EFCAB3: variants seen among roughly 807,000 people sequenced by gnomAD.
The protein encoded by EFCAB3 is EF-hand calcium binding domain 3.
A neutral mutation model predicts 42.2 loss-of-function variants in EFCAB3; 36 were observed. The observed-to-expected ratio is 0.85, with a 90% CI of 0.65 to 1.13. EFCAB3 has a LOEUF of 1.13. EFCAB3 is among the 50% of genes most tolerant of loss of function. The pLI, the probability that EFCAB3 is intolerant of heterozygous loss-of-function variation, is 0.00. For missense variants in EFCAB3, 418 were observed against 505.1 expected (o/e 0.83, Z 1.65); for synonymous variants, 170 against 172.8 (o/e 0.98, Z 0.13).
intron 1 of EFCAB3, 132 bp from the exon 2 acceptor site, chr17:62,382,831 G>A: frequency 1.5e-6 from 1 of 671,768 alleles, no homozygotes; most frequent in Non-Finnish European, 2.5e-6. Flanking sequence ...CCTCTAACTT[G>A]AGTTTGCATC....
intron 1 of EFCAB3, among the ~76,000 whole-genome samples, chr17:62,372,653 C>T (rs186267410): frequency 2.0e-5 from 3 of 152,278 alleles, no homozygotes; most frequent in Admixed American, 2.0e-4. Context: ...CCAAAAATTA[C>T]TCCTTTAATA....
chr17:62,370,241 C>T, exon 1 of EFCAB3: 1 of 1,542,900 alleles, frequency 6.5e-7, no homozygotes, highest in Non-Finnish European at 8.8e-7. Context: ...ATGTCCAGAA[C>T]TTAGACAATT....
intron 6 of EFCAB3, among the ~76,000 whole-genome samples, chr17:62,395,810 T>A (rs1339063136): frequency 1.3e-5 from 2 of 152,246 alleles, no homozygotes; most frequent in East Asian, 3.8e-4. Context: ...ATCATTATCT[T>A]AAACAAATGT....
chr17:62,405,672 G>T (rs2070441353), intron 6 of EFCAB3, among the ~76,000 whole-genome samples: 1 of 152,174 alleles, frequency 6.6e-6, no homozygotes, highest in South Asian at 2.1e-4. Flanking sequence ...GATATTCGAG[G>T]CATGCATGTT....
chr17:62,379,353 G>A (rs1277980398), upstream of EFCAB3, among the ~76,000 whole-genome samples: 2 of 148,702 alleles, frequency 1.3e-5, no homozygotes, highest in African/African-American at 2.5e-5. Flanking sequence ...CTGGGAGGTC[G>A]AGACTGTAGT....
At chr17:62,386,007 A>G (rs935254228) in intron 2 of EFCAB3, among the ~76,000 whole-genome samples, 13 of 151,930 alleles carry the variant, frequency 8.6e-5, no homozygotes, top group South Asian at 2.1e-4. Context: ...GATTACAGGC[A>G]TGAGCCACCG....
intron 2 of EFCAB3, among the ~76,000 whole-genome samples, chr17:62,374,069 A>T (rs188007766): frequency 9.7e-4 from 148 of 152,242 alleles, no homozygotes; most frequent in Non-Finnish European, 1.2e-3. Flanking sequence ...ATCACCACAA[A>T]TTTTTTCCTT....
chr17:62,377,829 G>C (rs1224932548), upstream of EFCAB3: 4 of 658,562 alleles, frequency 6.1e-6, no homozygotes, highest in Non-Finnish European at 1.0e-5. Context: ...TATGAAAGAT[G>C]GATATCCCAT....
intron 1 of EFCAB3, among the ~76,000 whole-genome samples, chr17:62,371,024 C>T (rs528846693): frequency 2.7e-5 from 4 of 150,720 alleles, no homozygotes; most frequent in South Asian, 4.3e-4. Context: ...CCCAGGAATT[C>T]GAGATTGCAA....
At chr17:62,391,654 T>C (rs2070303202) in intron 3 of EFCAB3, among the ~76,000 whole-genome samples, 168 bp from the exon 4 acceptor site, 1 of 152,164 alleles carries the variant, frequency 6.6e-6, no homozygotes, top group Non-Finnish European at 1.5e-5. Flanking sequence ...TCAAGTTCCG[T>C]GGAAGGATAC....
chr17:62,371,864 T>A (rs1433143595), intron 1 of EFCAB3, among the ~76,000 whole-genome samples: 1 of 152,234 alleles, frequency 6.6e-6, no homozygotes, highest in Non-Finnish European at 1.5e-5. Context: ...TTTTTTGTTC[T>A]GATATCCCAG....
intron 2 of EFCAB3, among the ~76,000 whole-genome samples, chr17:62,375,209 T>G (rs1373518116): frequency 6.6e-6 from 1 of 152,248 alleles, no homozygotes; most frequent in African/African-American, 2.4e-5. Flanking sequence ...ATTTAAATTC[T>G]GGGTACCCAT....
At chr17:62,379,450 C>G (rs1018425300), upstream of EFCAB3, among the ~76,000 whole-genome samples, 4 of 151,728 alleles carry the variant, frequency 2.6e-5, no homozygotes, top group Non-Finnish European at 5.9e-5. Context: ...AAGTAAGTAG[C>G]CTTTAATATA....
rs909580035 is a variant in EFCAB3, at chr17:62,398,464, GA to G, written c.488+3286del. Reference sequence around the variant, plus strand: ...GTGAGACTTAGTCTCAAAAAAAAAAGAAAAAAAAAACTGTAGTGATAAATTT... The same window carrying G: ...GTGAGACTTAGTCTCAAAAAAAAAAGAAAAAAAAACTGTAGTGATAAATTT... On this transcript the variant is annotated intron_variant, in intron 6 of 9. Transcript: ENST00000305286. Among the ~76,000 whole-genome samples the G allele has an allele frequency of 7.3e-4, 47 of 64,518 alleles. 1 individual carries two copies. The highest frequency in any genetic ancestry group is 9.2e-4 in the Non-Finnish European group (29 of 31,674). 42.3% of individuals were successfully genotyped at this position (64,518 alleles called of 152,430 possible).
intron 2 of EFCAB3, among the ~76,000 whole-genome samples, chr17:62,385,674 T>A (rs114929083): frequency 0.024 from 3,580 of 151,576 alleles, 130 homozygotes; most frequent in African/African-American, 0.081. Context: ...ACCATAATAA[T>A]TTTTTGTTTA....
At chr17:62,404,930 T>G (rs193006087) in intron 6 of EFCAB3, among the ~76,000 whole-genome samples, 1 of 152,322 alleles carries the variant, frequency 6.6e-6, no homozygotes. Context: ...GATTAGAATT[T>G]CAAGGAAGAA....
At chr17:62,404,239 T>C (rs1598018801) in intron 6 of EFCAB3, among the ~76,000 whole-genome samples, 1 of 152,152 alleles carries the variant, frequency 6.6e-6, no homozygotes, top group East Asian at 1.9e-4. Flanking sequence ...ATTAGTTAAA[T>C]ACTTGTAATC....
chr17:62,395,076 A>G lies in EFCAB3; in HGVS notation c.376A>G (p.Lys126Glu). The stretch of plus-strand genomic sequence containing the variant: ...TTGTTTTCCCTCCATAGTTCCAGAA[A>G]AGGAGACCTGTTTAGATTTGGCTGG... ...NLFLKAVVPE[K>E]ETCLDLAGNP... The change falls in exon 6 of 10, where the codon AAG becomes GAG. Residue 126 changes from lysine (K) to glutamate (E), a missense_variant. Coordinates refer to ENST00000305286, the MANE Select transcript of EFCAB3 (RefSeq NM_173503.4). The G allele has an allele frequency of 6.2e-7, 1 of 1,613,742 alleles. No homozygotes were observed. The highest frequency in any genetic ancestry group is 1.6e-4 in the Middle Eastern group (1 of 6,062).
At chr17:62,394,453 T>C (rs941900023) in intron 5 of EFCAB3, among the ~76,000 whole-genome samples, 7 of 152,228 alleles carry the variant, frequency 4.6e-5, no homozygotes, top group African/African-American at 1.7e-4. Context: ...GAGAGTCTGC[T>C]GGAGGTTAGA....
Sources: gnomAD v4.1 joint callset for allele counts (sites outside exome capture counted in the v4.1 genomes callset) on GRCh38, gnomAD v4.1.1 for gene constraint, MANE v1.5 for transcripts, NCBI Gene and HGNC (gene_info 2026-07-23, HGNC 2026-07-21) for gene names.